STK32B: variants seen among roughly 807,000 people sequenced by gnomAD.
The protein encoded by STK32B is serine/threonine-protein kinase 32B.
STK32B carries 43 observed loss-of-function variants against 52.6 expected under a neutral mutation model. That is an observed-to-expected ratio of 0.82 (90% CI 0.64 to 1.05). The LOEUF is 1.05. Among genes scored for constraint, STK32B ranks in the 50% least tolerant of loss-of-function variants. STK32B has a pLI of 0.00. For synonymous variants in STK32B, 238 were observed against 204.3 expected (o/e 1.17, Z -1.41); for missense variants, 621 against 534.6 (o/e 1.16, Z -1.59).
Position 5,472,534 on chromosome 4 carries a change from G to C in STK32B, c.1106+4464G>C, listed in dbSNP as rs112422415. Among the ~76,000 whole-genome samples the C allele has an allele frequency of 1.2e-4, 19 of 152,270 alleles. 2 individuals carry two copies. The highest frequency in any genetic ancestry group is 3.6e-4 in the African/African-American group (15 of 41,544). On this transcript the variant is annotated intron_variant, in intron 11 of 11. Coordinates refer to ENST00000282908, the MANE Select transcript of STK32B (RefSeq NM_018401.3). ...ATTGGGTTGAGAAATGCACCAGGGG[G>C]CCCATCCTCCTATTCTTGGCCAAAG... is the stretch of plus-strand genomic sequence containing the variant.
intron 4 of STK32B, among the ~76,000 whole-genome samples, chr4:5,338,329 C>T (rs1205628790): frequency 6.6e-6 from 1 of 152,150 alleles, no homozygotes; most frequent in Non-Finnish European, 1.5e-5. Context: ...CAGTCATTCA[C>T]TAGTTTTTGA....
chr4:5,365,746 G>C (rs926186733), intron 4 of STK32B, among the ~76,000 whole-genome samples: 1 of 152,186 alleles, frequency 6.6e-6, no homozygotes, highest in African/African-American at 2.4e-5. Flanking sequence ...TTGGGAGCTT[G>C]TCTTTGCTGT....
chr4:5,158,457 C>T (rs1175892677), intron 2 of STK32B, among the ~76,000 whole-genome samples: 1 of 152,172 alleles, frequency 6.6e-6, no homozygotes, highest in Non-Finnish European at 1.5e-5. Context: ...GAGCTCCCCA[C>T]CCCGAAGGCA....
chr4:5,461,884 G>A (rs1717056793), intron 9 of STK32B, among the ~76,000 whole-genome samples: 1 of 152,190 alleles, frequency 6.6e-6, no homozygotes, highest in African/African-American at 2.4e-5. Flanking sequence ...AGTGGACATG[G>A]TGCTGCCTCT....
intron 1 of STK32B, among the ~76,000 whole-genome samples, chr4:5,082,960 T>G (rs920369340): frequency 6.6e-6 from 1 of 152,254 alleles, no homozygotes; most frequent in African/African-American, 2.4e-5. Context: ...ATAGCAATTT[T>G]TACATAATGT....
At chr4:5,204,670 A>G (rs552512044) in intron 3 of STK32B, among the ~76,000 whole-genome samples, 6 of 152,040 alleles carry the variant, frequency 3.9e-5, no homozygotes, top group African/African-American at 9.7e-5. Flanking sequence ...GGGTTTCACC[A>G]TATTGGCCAG....
chr4:5,364,208 C>A (rs1049471484), intron 4 of STK32B, among the ~76,000 whole-genome samples: 1 of 152,214 alleles, frequency 6.6e-6, no homozygotes, highest in Non-Finnish European at 1.5e-5. Context: ...TGCCAGGGTA[C>A]AGCATCTTGT....
intron 7 of STK32B, 183 bp downstream of exon 7, chr4:5,446,959 C>A: frequency 1.7e-6 from 1 of 577,714 alleles, no homozygotes; most frequent in Non-Finnish European, 3.1e-6. Flanking sequence ...TCTGGTCCAA[C>A]CCACTCATTG....
chr4:5,393,072 A>G (rs748859580), intron 4 of STK32B, among the ~76,000 whole-genome samples: 4 of 152,212 alleles, frequency 2.6e-5, no homozygotes, highest in Non-Finnish European at 5.9e-5. Context: ...TAAGCATCCT[A>G]TCCCACATCA....
chr4:5,047,399 C>T (rs371648280), upstream of STK32B, among the ~76,000 whole-genome samples: 53 of 152,086 alleles, frequency 3.5e-4, no homozygotes, highest in African/African-American at 1.1e-3. Context: ...CAAACCACCA[C>T]GGCACATGTC....
chr4:5,432,303 T>G (rs750497723), intron 6 of STK32B: 14 of 152,222 alleles, frequency 9.2e-5, no homozygotes, highest in Non-Finnish European at 2.1e-4. Context: ...TGCTAATCCC[T>G]TTGAATCTGG....
intron 4 of STK32B, among the ~76,000 whole-genome samples, chr4:5,336,253 G>A (rs982034964): frequency 3.3e-5 from 5 of 151,326 alleles, no homozygotes; most frequent in African/African-American, 1.2e-4. Flanking sequence ...ATTTCAATGG[G>A]AATGTGACTG....
At chr4:5,187,038 A>G (rs1234378509) in intron 3 of STK32B, among the ~76,000 whole-genome samples, 1 of 152,210 alleles carries the variant, frequency 6.6e-6, no homozygotes, top group African/African-American at 2.4e-5. Flanking sequence ...GTACAAAAAC[A>G]GGAATTGGGG....
chr4:5,239,353 T>G (rs539615434), intron 3 of STK32B, among the ~76,000 whole-genome samples: 1 of 152,230 alleles, frequency 6.6e-6, no homozygotes, highest in East Asian at 1.9e-4. Flanking sequence ...AGCCAAGCAG[T>G]CAATAGAATT....
At chr4:5,107,582 A>G (rs929155210) in intron 1 of STK32B, among the ~76,000 whole-genome samples, 1 of 152,226 alleles carries the variant, frequency 6.6e-6, no homozygotes, top group Non-Finnish European at 1.5e-5. Flanking sequence ...GACCATTGCT[A>G]GAATTGATAA....
chr4:5,279,509 G>A (rs145024304), intron 3 of STK32B, among the ~76,000 whole-genome samples: 227 of 152,356 alleles, frequency 1.5e-3, no homozygotes, highest in Non-Finnish European at 2.4e-3. Context: ...CTGGCATTGA[G>A]TGCCTATGGC....
chr4:5,228,920 G>A (rs1724055604), intron 3 of STK32B, among the ~76,000 whole-genome samples: 1 of 152,000 alleles, frequency 6.6e-6, no homozygotes, highest in African/African-American at 2.4e-5. Flanking sequence ...TGAGCCAAGG[G>A]CCTGCCATTG....
At chr4:5,257,870 G>A (rs1726432331) in intron 3 of STK32B, among the ~76,000 whole-genome samples, 1 of 152,220 alleles carries the variant, frequency 6.6e-6, no homozygotes, top group Non-Finnish European at 1.5e-5. Context: ...TTGAGCCTGG[G>A]AGGCAGAAGT....
intron 11 of STK32B, among the ~76,000 whole-genome samples, chr4:5,496,219 G>A (rs1163662701): frequency 6.6e-6 from 1 of 152,242 alleles, no homozygotes; most frequent in African/African-American, 2.4e-5. Flanking sequence ...CTTGAGCTGT[G>A]GTGGGCTCCA....
Sources: allele counts gnomAD v4.1 joint callset (sites outside exome capture counted in the v4.1 genomes callset), GRCh38; gene constraint gnomAD v4.1.1; transcripts MANE v1.5; gene names NCBI Gene and HGNC (gene_info 2026-07-23, HGNC 2026-07-21).